Variants in GPC5 observed in about 807,000 individuals in gnomAD.
The protein encoded by GPC5 is glypican 5, also known as glypican-5.
Under a neutral mutation model 53.9 loss-of-function variants are expected in GPC5, and 47 were observed. The ratio of observed to expected loss-of-function variants is 0.87; its 90% CI spans 0.69 to 1.11. The LOEUF is 1.11. GPC5 is among the 50% of genes most tolerant of loss of function. The pLI, the probability that GPC5 is intolerant of heterozygous loss-of-function variation, is 0.00. For synonymous variants in GPC5, 286 were observed against 263.3 expected (o/e 1.09, Z -0.84); for missense variants, 748 against 713.1 (o/e 1.05, Z -0.56).
chr13:92,777,332 T>C (rs1875849310), intron 7 of GPC5, among the ~76,000 whole-genome samples: 1 of 75,128 alleles, frequency 1.3e-5, no homozygotes. Context: ...GGAGACTCCA[T>C]CTCAAAAAAA....
At chr13:92,355,979 A>G (rs2043518411) in intron 7 of GPC5, among the ~76,000 whole-genome samples, 1 of 150,140 alleles carries the variant, frequency 6.7e-6, no homozygotes, top group South Asian at 2.1e-4. Flanking sequence ...CCCTGAATAT[A>G]CAAACTCCTT....
intron 6 of GPC5, among the ~76,000 whole-genome samples, chr13:92,118,456 C>A: frequency 6.6e-6 from 1 of 152,060 alleles, no homozygotes; most frequent in Non-Finnish European, 1.5e-5. Flanking sequence ...TTCTAAGTGC[C>A]TGTGCATTGC....
At position 91,887,208 on chromosome 13, in the gene GPC5, G is replaced by T. The variant is rs149756781; in HGVS notation, c.1281-20729G>T. ...TCATGTGGAAACTGCCAAGGCTTGAGGCTTTCAACCTCCAAAGACATGGTT... is the reference window on the plus strand; with the variant it reads ...TCATGTGGAAACTGCCAAGGCTTGATGCTTTCAACCTCCAAAGACATGGTT... On this transcript the variant is annotated intron_variant, in intron 5 of 7. Transcript: ENST00000377067. Among the ~76,000 whole-genome samples the T allele has an allele frequency of 4.6e-3, 695 of 152,260 alleles. 5 individuals are homozygous for T. Among genetic ancestry groups the T allele is most frequent in the Middle Eastern group, 0.014 (4 of 294 alleles).
intron 2 of GPC5, among the ~76,000 whole-genome samples, chr13:91,488,101 A>C (rs1022395702): frequency 6.6e-6 from 1 of 152,104 alleles, no homozygotes; most frequent in African/African-American, 2.4e-5. Flanking sequence ...TATGACCCAG[A>C]GGGTATATAC....
At chr13:92,070,879 T>C (rs1489172675) in intron 6 of GPC5, among the ~76,000 whole-genome samples, 1 of 152,228 alleles carries the variant, frequency 6.6e-6, no homozygotes, top group Non-Finnish European at 1.5e-5. Flanking sequence ...TTGCAAAATT[T>C]TGTCTGGTTT....
chr13:92,303,322 T>G (rs1195804248), intron 7 of GPC5, among the ~76,000 whole-genome samples: 8 of 152,080 alleles, frequency 5.3e-5, no homozygotes, highest in Non-Finnish European at 2.9e-5. Context: ...GAAATTAAGT[T>G]TACTATAACC....
intron 6 of GPC5, among the ~76,000 whole-genome samples, chr13:91,997,181 A>G (rs1460478034): frequency 6.6e-6 from 1 of 152,164 alleles, no homozygotes; most frequent in African/African-American, 2.4e-5. Context: ...ACCTGTATAT[A>G]TGATGGTTCT....
At chr13:92,247,764 C>T (rs528091452) in intron 7 of GPC5, among the ~76,000 whole-genome samples, 24 of 152,190 alleles carry the variant, frequency 1.6e-4, no homozygotes, top group African/African-American at 5.8e-4. Flanking sequence ...AGAATACTAG[C>T]TTTTCTTAAT....
chr13:92,232,514 T>A (rs1242789665), intron 7 of GPC5, among the ~76,000 whole-genome samples: 1 of 152,220 alleles, frequency 6.6e-6, no homozygotes, highest in Non-Finnish European at 1.5e-5. Context: ...TGGCAGATCA[T>A]CTGTTACCAC....
intron 7 of GPC5, among the ~76,000 whole-genome samples, chr13:92,681,507 A>G (rs560985716): frequency 2.5e-4 from 38 of 151,826 alleles, no homozygotes; most frequent in African/African-American, 8.7e-4. Flanking sequence ...CCTGTAATCC[A>G]GCCTCTACAC....
chr13:92,205,969 G>A (rs1287698327), intron 7 of GPC5, among the ~76,000 whole-genome samples: 1 of 144,414 alleles, frequency 6.9e-6, no homozygotes, highest in African/African-American at 2.6e-5. Flanking sequence ...TGGAACACAA[G>A]AGGTGGAGGT....
chr13:91,896,117 ATT>A (rs1185370619), intron 5 of GPC5, among the ~76,000 whole-genome samples: 350 of 127,948 alleles, frequency 2.7e-3, no homozygotes, highest in African/African-American at 3.4e-3. Flanking sequence ...ATTTTTTCTA[ATT>A]TTTTTTTTTT....
At chr13:92,367,279 G>C (rs1027467188) in intron 7 of GPC5, among the ~76,000 whole-genome samples, 1 of 152,056 alleles carries the variant, frequency 6.6e-6, no homozygotes, top group Non-Finnish European at 1.5e-5. Context: ...TGTATATTTT[G>C]TAAATGATCT....
intron 6 of GPC5, among the ~76,000 whole-genome samples, chr13:91,926,339 T>A (rs75327577): frequency 7.6e-6 from 1 of 132,294 alleles, no homozygotes; most frequent in Non-Finnish European, 1.5e-5. Context: ...CCAGGCTGGG[T>A]GACAGAGTGA....
intron 7 of GPC5, among the ~76,000 whole-genome samples, chr13:92,783,950 A>G (rs774311914): frequency 1.3e-5 from 2 of 152,200 alleles, no homozygotes; most frequent in Non-Finnish European, 2.9e-5. Context: ...ACTGAAAATG[A>G]TCATCCCCCT....
chr13:91,732,206 A>C (rs1159078352), intron 4 of GPC5, among the ~76,000 whole-genome samples: 1 of 151,762 alleles, frequency 6.6e-6, no homozygotes, highest in African/African-American at 2.4e-5. Flanking sequence ...TTGTTTTCTG[A>C]CTCTTTAATG....
chr13:92,056,908 G>A (rs1309558694), intron 6 of GPC5, among the ~76,000 whole-genome samples: 1 of 152,134 alleles, frequency 6.6e-6, no homozygotes, highest in African/African-American at 2.4e-5. Context: ...ACAGTCTCTA[G>A]TTTGATTAAC....
At chr13:92,397,820 A>C (rs1046971460) in intron 7 of GPC5, among the ~76,000 whole-genome samples, 1 of 152,196 alleles carries the variant, frequency 6.6e-6, no homozygotes, top group African/African-American at 2.4e-5. Context: ...TCTCACCTAC[A>C]AAATTTCATT....
chr13:92,136,098 G>A (rs948581478), intron 6 of GPC5, among the ~76,000 whole-genome samples: 18 of 152,160 alleles, frequency 1.2e-4, no homozygotes, highest in African/African-American at 1.7e-4. Context: ...TTGGGGAAAG[G>A]GAATTATGCT....
Sources: gnomAD v4.1 joint callset for allele counts (sites outside exome capture counted in the v4.1 genomes callset) on GRCh38, gnomAD v4.1.1 for gene constraint, MANE v1.5 for transcripts, NCBI Gene and HGNC (gene_info 2026-07-23, HGNC 2026-07-21) for gene names.